The following ELAC2 variants were observed in gnomAD, a reference collection of about 807,000 sequenced individuals.
The protein encoded by ELAC2 is zinc phosphodiesterase ELAC protein 2.
Under a neutral mutation model 105.2 loss-of-function variants are expected in ELAC2, and 92 were observed. The ratio of observed to expected loss-of-function variants is 0.87; its 90% confidence interval spans 0.74 to 1.04. The LOEUF is 1.04. ELAC2 is among the 50% of genes least tolerant of loss of function. The pLI, the probability that ELAC2 is intolerant of heterozygous loss-of-function variation, is 0.00. For synonymous variants in ELAC2, 468 were observed against 409.1 expected, an observed-to-expected ratio of 1.14 and a Z score of -1.74; for missense variants, 1,099 against 1,071.7, an observed-to-expected ratio of 1.03 and a Z score of -0.36.
rs548064266 is a variant in ELAC2, at chr17:12,999,892, C to T, written c.1423+264G>A. Among the ~76,000 whole-genome samples, 9 of 152,296 alleles carry T rather than the reference C, an allele frequency of 5.9e-5. No homozygotes were observed. In the South Asian group the frequency reaches 1.7e-3, roughly 28 times the overall value. On this transcript the variant is annotated intron_variant, in intron 15 of 23. Transcript: ENST00000338034. ...CAGGATGGTCTCGATCTCCCGACCT[C>T]GCGATCCACCTGCCTCGGCCTCCCG... is the stretch of plus-strand genomic sequence containing the variant.
chr17:13,010,582 C>CATGT, intron 8 of ELAC2, 31 bp downstream of exon 8: 1 of 1,610,598 alleles, frequency 6.2e-7, no homozygotes. Context: ...AGACCCCAGT[C>CATGT]ATGTACAGCC....
chr17:12,995,770 G>A lies in ELAC2; in HGVS notation c.1741C>T (p.Pro581Ser), dbSNP rs1468042427. ...TGGAGCCAGGCTTTGAGCTGGTTGG[G>A]GGCAACCACCAGCAAAGGGTGAAGC... ...KPLHPLLVVA[P>S]NQLKAWLQQY... The change falls in exon 19 of 24, where the codon CCC (proline) becomes TCC (serine). Residue 581 changes from proline to serine, a missense_variant. Transcript: ENST00000338034. 3.1e-6 allele frequency: 5 copies of A among 1,612,848 alleles called. No individual in the cohort carries two copies. Among genetic ancestry groups the A allele is most frequent in the East Asian group, 2.2e-5 (1 of 44,842 alleles).
At position 12,995,042 on chromosome 17, in the gene ELAC2, A is replaced by G; in HGVS notation, c.1829T>C (p.Leu610Pro). Reference protein sequence around the residue: ...HHISMIPAKCLQEGAEISSPA... With the variant: ...HHISMIPAKCPQEGAEISSPA... ...ACTGGAGATCTCAGCCCCTTCCTGA[A>G]GGCATTTGGCAGGAATCATACTGTA... is the stretch of plus-strand genomic sequence containing the variant. Residue 610 changes from leucine to proline, a missense_variant, in exon 20 of 24, where the codon CTT becomes CCT. Transcript: ENST00000338034. 3.1e-6 allele frequency: 5 copies of G among 1,614,218 alleles called. No individual in the cohort carries two copies. Among genetic ancestry groups the G allele is most frequent in the Non-Finnish European group, 4.2e-6 (5 of 1,180,052 alleles).
intron 15 of ELAC2, among the ~76,000 whole-genome samples, chr17:12,999,565 G>T (rs938180582): frequency 6.6e-6 from 1 of 152,226 alleles, no homozygotes; most frequent in African/African-American, 2.4e-5. Flanking sequence ...CTTTCCACAG[G>T]TGTTCACTAA....
In ELAC2 at chr17:13,005,064, C is replaced by A. The variant is rs188256643; in HGVS notation, c.908G>T (p.Gly303Val). 14 of 1,614,196 alleles carry A rather than the reference C, an allele frequency of 8.7e-6. No homozygotes were observed. The highest frequency in any genetic ancestry group is 1.0e-5 in the Non-Finnish European group (12 of 1,180,024). Reference protein sequence around the residue: ...AEELCTPPDPGAAFVVVECPD... With the variant: ...AEELCTPPDPVAAFVVVECPD... ...ACATTCTACCACCACAAAAGCAGCACCAGGATCTGGAGGAGTACACAGCTC... is the reference window on the plus strand; with the variant it reads ...ACATTCTACCACCACAAAAGCAGCAACAGGATCTGGAGGAGTACACAGCTC... Residue 303 changes from glycine to valine, a missense_variant, in exon 11 of 24, where the codon GGT becomes GTT. Physicochemically the swap from Gly to Val is moderately radical, Grantham distance 109 (BLOSUM62 -3). Coordinates refer to ENST00000338034, the MANE Select transcript of ELAC2 (RefSeq NM_018127.7).
At chr17:13,000,803 CA>C (rs1438591656) in intron 14 of ELAC2, 1 of 179,818 alleles carries the variant, frequency 5.6e-6, no homozygotes, top group Non-Finnish European at 1.2e-5. Flanking sequence ...CACGGAGTGG[CA>C]ACTCCTTGGA....
intron 8 of ELAC2, among the ~76,000 whole-genome samples, chr17:13,007,517 C>A (rs1304989808): frequency 6.6e-6 from 1 of 152,200 alleles, no homozygotes; most frequent in African/African-American, 2.4e-5. Context: ...AACCATGTCA[C>A]GACCCAACAT....
At chr17:13,016,749 A>C in intron 3 of ELAC2, 113 bp downstream of exon 3, 1 of 823,664 alleles carries the variant, frequency 1.2e-6, no homozygotes, top group Non-Finnish European at 1.7e-6. Flanking sequence ...CACTGACAAA[A>C]AAAAAAAAAA....
At chr17:13,000,018 G>A (rs928659711) in intron 15 of ELAC2, 138 bp downstream of exon 15, 62 of 756,344 alleles carry the variant, frequency 8.2e-5, no homozygotes, top group Middle Eastern at 7.3e-4. Context: ...TTCTAATGTA[G>A]AGCTGAGTAG....
intron 8 of ELAC2, among the ~76,000 whole-genome samples, chr17:13,009,289 A>G (rs1336835416): frequency 2.6e-5 from 4 of 152,352 alleles, no homozygotes; most frequent in African/African-American, 9.6e-5. Context: ...AATTTAGATA[A>G]CAATTCCAAA....
At chr17:13,003,347 G>A (rs948214145) in intron 12 of ELAC2, 132 bp downstream of exon 12, 5 of 858,398 alleles carry the variant, frequency 5.8e-6, no homozygotes, top group Non-Finnish European at 9.9e-6. Context: ...TTCTGGGAAG[G>A]CAGGAATCCC....
At chr17:13,015,272 C>T (rs931203836) in intron 4 of ELAC2, among the ~76,000 whole-genome samples, 1 of 152,138 alleles carries the variant, frequency 6.6e-6, no homozygotes, top group South Asian at 2.1e-4. Flanking sequence ...GGATTTCAAA[C>T]GTTATTTTGG....
chr17:12,996,591 G>A lies in ELAC2; in HGVS notation c.1615C>T (p.Leu539=). ...GDQVDRVLGT[L]AAVFVSHLHA... Reference sequence around the variant, plus strand: ...AGGTGGGACACAAACACAGCAGCCAGGGTGCCCAGGACCCTGTCCACCTGG... The same window carrying A: ...AGGTGGGACACAAACACAGCAGCCAAGGTGCCCAGGACCCTGTCCACCTGG... The change falls in exon 17 of 24, where the codon CTG becomes TTG. Residue 539 remains leucine (L), a synonymous_variant. Coordinates refer to ENST00000338034, the MANE Select transcript of ELAC2 (RefSeq NM_018127.7). 1 of 1,614,050 alleles carries A rather than the reference G, an allele frequency of 6.2e-7. No homozygotes were observed. The highest frequency in any genetic ancestry group is 8.5e-7 in the Non-Finnish European group (1 of 1,180,028).
rs777786097 is a variant in ELAC2 at position 13,017,796 on chromosome 17, C to T, written c.152G>A (p.Cys51Tyr). The change falls in exon 1 of 24, where the codon TGC (cysteine) becomes TAC (tyrosine). Residue 51 changes from cysteine (C) to tyrosine (Y), a missense_variant. By Grantham distance (194) the Cys-to-Tyr change is radical. Coordinates refer to ENST00000338034, the MANE Select transcript of ELAC2 (RefSeq NM_018127.7). ...RTREKRGPSGCSGGPNTVYLQ... is the reference protein window; with the variant it reads ...RTREKRGPSGYSGGPNTVYLQ... ...GTACACGGTGTTTGGGCCGCCGGAG[C>T]ACCCCGACGGTCCGCGCTTCTCTCG... 1 of 1,606,922 alleles carries T rather than the reference C, an allele frequency of 6.2e-7. No homozygotes were observed. Among genetic ancestry groups the T allele is most frequent in the Non-Finnish European group, 8.5e-7 (1 of 1,177,512 alleles).
chr17:13,015,819 A>C lies in ELAC2; in HGVS notation c.381T>G (p.Thr127=). 1 of 1,614,028 alleles carries C rather than the reference A, an allele frequency of 6.2e-7. No homozygotes were observed. The highest frequency in any genetic ancestry group is 8.5e-7 in the Non-Finnish European group (1 of 1,179,892). The change falls in exon 4 of 24, where the codon ACT becomes ACG. Residue 127 remains threonine (T), a synonymous_variant. Transcript: ENST00000338034. The part of the protein sequence containing the change: ...NVGGLSGMIL[T]LKETGLPKCV... ...ACTTTGGAAGCCCGGTTTCCTTTAAAGTAAGAATCATTCCTAAAAAGGATG... is the reference window on the plus strand; with the variant it reads ...ACTTTGGAAGCCCGGTTTCCTTTAACGTAAGAATCATTCCTAAAAAGGATG...
intron 3 of ELAC2, among the ~76,000 whole-genome samples, chr17:13,016,110 T>C (rs888523354): frequency 2.3e-4 from 35 of 152,230 alleles, no homozygotes; most frequent in African/African-American, 8.4e-4. Flanking sequence ...AGTGAAGGGC[T>C]GGCACCCTAA....
intron 12 of ELAC2, 128 bp downstream of exon 12, chr17:13,003,351 G>T: frequency 1.1e-6 from 1 of 881,132 alleles, no homozygotes; most frequent in South Asian, 1.3e-5. Context: ...GGGAAGGCAG[G>T]AATCCCACAG....
rs552626383 is a variant in ELAC2, at chr17:13,004,979, C to T, written c.983+10G>A. On this transcript the variant is annotated intron_variant, in intron 11 of 23. Coordinates refer to ENST00000338034, the MANE Select transcript of ELAC2 (RefSeq NM_018127.7). ...CTCTCACTTCTCCCACCCTAGAGAC[C>T]CCTCATTACCTCTGAAAGGTGGCAT... The T allele has an allele frequency of 2.6e-5, 41 of 1,601,618 alleles. No homozygotes were observed. In the East Asian group the frequency reaches 8.3e-4, roughly 32 times the overall value.
At chr17:13,003,737 G>T (rs554176895) in intron 11 of ELAC2, 163 bp from the exon 12 acceptor site, 52 of 660,978 alleles carry the variant, frequency 7.9e-5, no homozygotes, top group African/African-American at 7.6e-4. Context: ...GCTCACGGCA[G>T]ACCCCGGTGC....
Sources: allele counts gnomAD v4.1 joint callset (sites outside exome capture counted in the v4.1 genomes callset), GRCh38; gene constraint gnomAD v4.1.1; transcripts MANE v1.5; gene names NCBI Gene and HGNC (gene_info 2026-07-23, HGNC 2026-07-21).